Variants in DLD observed in about 807,000 individuals in gnomAD.
The protein encoded by DLD is dihydrolipoyl dehydrogenase, mitochondrial.
DLD carries 36 observed loss-of-function variants against 62.2 expected under a neutral mutation model. The observed-to-expected ratio is 0.58, with a 90% CI of 0.44 to 0.76. DLD has a LOEUF of 0.76. Ranked by LOEUF, DLD falls within the 30% of genes least tolerant of loss-of-function variation. The pLI is 0.00. For synonymous variants in DLD, 204 were observed against 199.6 expected (o/e 1.02, Z -0.19); for missense variants, 541 against 608.6 (o/e 0.89, Z 1.17).
At chr7:107,914,047 C>T (rs983113847) in intron 8 of DLD, among the ~76,000 whole-genome samples, 11 of 152,080 alleles carry the variant, frequency 7.2e-5, no homozygotes, top group African/African-American at 2.7e-4. Flanking sequence ...TATGTTGAAT[C>T]ATCCTTGCAT....
At chr7:107,915,372 T>G (rs1034930600) in intron 8 of DLD, 134 bp from the exon 9 acceptor site, 3 of 897,286 alleles carry the variant, frequency 3.3e-6, no homozygotes, top group Non-Finnish European at 3.4e-6. Context: ...AGGGTCAATT[T>G]TAAACCTCGG....
chr7:107,904,661 A>G (rs1399711851), intron 5 of DLD: 2 of 501,510 alleles, frequency 4.0e-6, no homozygotes, highest in African/African-American at 3.9e-5. Context: ...CATATCTTCC[A>G]GACTTATAAC....
At chr7:107,891,383 G>T (rs1436598785) in intron 1 of DLD, 94 bp downstream of exon 1, 2 of 1,318,248 alleles carry the variant, frequency 1.5e-6, no homozygotes, top group African/African-American at 3.3e-5. Context: ...TTGGGCTGGC[G>T]GAGGCGGGCG....
In DLD at chr7:107,915,365, G is replaced by T. The variant is rs1430122806; in HGVS notation, c.685-141G>T. On this transcript the variant is annotated intron_variant, in intron 8 of 13. Coordinates refer to ENST00000205402, the MANE Select transcript of DLD (RefSeq NM_000108.5). ...TGAAGTTATACATATTTAACACAGGGTCAATTTTAAACCTCGGAGCTTCTC... is the reference window on the plus strand; with the variant it reads ...TGAAGTTATACATATTTAACACAGGTTCAATTTTAAACCTCGGAGCTTCTC... 5 of 807,646 alleles carry T rather than the reference G, an allele frequency of 6.2e-6. No individual in the cohort carries two copies. In the East Asian group the frequency reaches 1.3e-4, roughly 22 times the overall value. The allele number at this position is 807,646 out of a possible 1,614,324, so 50.0% of individuals were successfully genotyped here. A position where few individuals can be genotyped will look rare whatever the true frequency, so the allele number is the denominator to read the frequency against.
chr7:107,911,870 G>A (rs1473108383), intron 8 of DLD, among the ~76,000 whole-genome samples: 1 of 151,882 alleles, frequency 6.6e-6, no homozygotes, highest in Admixed American at 6.6e-5. Context: ...ATTTTGAAAT[G>A]TGTAATTGAT....
Position 107,919,098 on chromosome 7 carries a change from C to T in DLD, c.1463C>T (p.Pro488Leu), listed in dbSNP as rs121964988. ...EDIARVCHAH[P>L]TLSEAFREAN... ...ATAGCTAGAGTCTGTCATGCACATC[C>T]GGTAATTATTAACAACATATAGAAT... Residue 488 changes from proline (P) to leucine (L), a missense_variant and splice_region_variant, in exon 13 of 14, where the codon CCG (proline) becomes CTG (leucine). Pro to Leu is a moderately conservative substitution (Grantham distance 98, BLOSUM62 -3). Transcript: ENST00000205402. 5.6e-6 allele frequency: 9 copies of T among 1,613,204 alleles called. No homozygotes were observed. The highest frequency in any genetic ancestry group is 5.0e-5 in the Admixed American group (3 of 59,958).
At chr7:107,896,838 G>C in intron 2 of DLD, among the ~76,000 whole-genome samples, 1 of 149,032 alleles carries the variant, frequency 6.7e-6, no homozygotes, top group African/African-American at 2.5e-5. Context: ...TTTTGTTTTT[G>C]TTTGTTTTTT....
chr7:107,903,137 G>A (rs774793394), intron 4 of DLD, among the ~76,000 whole-genome samples: 4 of 152,108 alleles, frequency 2.6e-5, no homozygotes, highest in Non-Finnish European at 4.4e-5. Context: ...GGTGGCTCAC[G>A]TCTGTAATCC....
intron 5 of DLD, chr7:107,904,531 G>A (rs2116217582): frequency 2.7e-6 from 1 of 365,888 alleles, no homozygotes; most frequent in East Asian, 7.3e-5. Flanking sequence ...ACTTTTTAAT[G>A]TTAAGCTTCT....
Position 107,901,589 on chromosome 7 carries a change from G to C in DLD, c.119-149G>C, listed in dbSNP as rs2031876247. On this transcript the variant is annotated intron_variant, in intron 2 of 13. Coordinates refer to ENST00000205402, the MANE Select transcript of DLD (RefSeq NM_000108.5). ...TAGCATCAAAGAGCATCAAGTAGTA[G>C]TAATAAAATAGTGCAGAAACTATGT... 2.5e-5 allele frequency: 17 copies of C among 669,368 alleles called. No homozygotes were observed. The South Asian group carries it at 2.8e-4, about 11-fold the overall frequency. The allele number at this position is 669,368 out of a possible 1,614,324, so 41.5% of individuals were successfully genotyped here.
intron 8 of DLD, among the ~76,000 whole-genome samples, chr7:107,908,972 T>A (rs1025723077): frequency 2.0e-5 from 3 of 152,214 alleles, no homozygotes; most frequent in Non-Finnish European, 4.4e-5. Flanking sequence ...GTCATCAACC[T>A]TTGGATCCTG....
At chr7:107,902,431 G>T (rs778406922) in intron 4 of DLD, 38 bp downstream of exon 4, 1 of 1,571,978 alleles carries the variant, frequency 6.4e-7, no homozygotes, top group South Asian at 1.1e-5. Flanking sequence ...GATTGTTTTT[G>T]GCTAGCAACC....
intron 5 of DLD, chr7:107,903,757 C>T: frequency 2.3e-6 from 1 of 442,198 alleles, no homozygotes; most frequent in Non-Finnish European, 4.2e-6. Flanking sequence ...CCTAACCCTG[C>T]AAATCCAGAT....
intron 1 of DLD, among the ~76,000 whole-genome samples, chr7:107,892,756 C>T (rs2031619623): frequency 6.6e-6 from 1 of 152,108 alleles, no homozygotes; most frequent in African/African-American, 2.4e-5. Context: ...CTATGTTGGC[C>T]AGGCTGGTCT....
chr7:107,903,403 T>C (rs2116213901), intron 4 of DLD, 75 bp from the exon 5 acceptor site: 1 of 973,916 alleles, frequency 1.0e-6, no homozygotes, highest in Non-Finnish European at 1.6e-6. Context: ...AAGACTATCA[T>C]TTCATAAGTG....
At chr7:107,904,478 T>G (rs1352586547) in intron 5 of DLD, among the ~76,000 whole-genome samples, 1 of 152,212 alleles carries the variant, frequency 6.6e-6, no homozygotes, top group African/African-American at 2.4e-5. Flanking sequence ...TGCTTCAGAG[T>G]TCTCTTCTGA....
chr7:107,893,410 C>G (rs555133996), intron 2 of DLD, 132 bp downstream of exon 2: 3 of 703,760 alleles, frequency 4.3e-6, no homozygotes, highest in Non-Finnish European at 6.9e-6. Flanking sequence ...TGTATTTATT[C>G]GTTTGAATGT....
In DLD at chr7:107,915,692, G is replaced by A. The variant is rs752549646; in HGVS notation, c.871G>A (p.Val291Ile). ...CAAGAAGTCAGATGGAAAAATTGATGTTTCGTAAGTATACATCATTTGTTT... is the reference window on the plus strand; with the variant it reads ...CAAGAAGTCAGATGGAAAAATTGATATTTCGTAAGTATACATCATTTGTTT... ...ATKKSDGKID[V>I]SIEAASGGKA... The change falls in exon 9 of 14, where the codon GTT (valine) becomes ATT (isoleucine). Residue 291 changes from valine (V) to isoleucine (I), a missense_variant. Physicochemically the swap from Val to Ile is conservative, Grantham distance 29 (BLOSUM62 3). Coordinates refer to ENST00000205402, the MANE Select transcript of DLD (RefSeq NM_000108.5). 8 of 1,613,008 alleles carry A rather than the reference G, an allele frequency of 5.0e-6. No homozygotes were observed. In the South Asian group the frequency reaches 6.6e-5, roughly 13 times the overall value.
chr7:107,909,941 G>T (rs1410924749), intron 8 of DLD, among the ~76,000 whole-genome samples: 1 of 148,278 alleles, frequency 6.7e-6, no homozygotes, highest in East Asian at 2.0e-4. Context: ...CCACCTCCCA[G>T]GTCCCAGTTC....
Sources: gnomAD v4.1 joint callset for allele counts (sites outside exome capture counted in the v4.1 genomes callset) on GRCh38, gnomAD v4.1.1 for gene constraint, MANE v1.5 for transcripts, NCBI Gene and HGNC (gene_info 2026-07-23, HGNC 2026-07-21) for gene names.